Variants in ISX observed in about 807,000 individuals in gnomAD.
ISX encodes intestine specific homeobox.
A neutral mutation model predicts 16.9 loss-of-function variants in ISX; 15 were observed. The observed-to-expected ratio is 0.89, with a 90% CI of 0.59 to 1.36. ISX has a LOEUF of 1.36. Ranked by LOEUF, ISX falls within the 40% of genes most tolerant of loss-of-function variation. The probability of loss-of-function intolerance (pLI) is 0.00; values close to 1 mark genes in which losing one functional copy is unlikely to be tolerated. For synonymous variants in ISX, 125 were observed against 119.7 expected, an observed-to-expected ratio of 1.04 and a Z score of -0.29; for missense variants, 316 against 306.1, an observed-to-expected ratio of 1.03 and a Z score of -0.24.
intron 2 of ISX, among the ~76,000 whole-genome samples, chr22:35,076,385 G>A (rs1047330375): frequency 1.4e-4 from 21 of 152,230 alleles, no homozygotes; most frequent in African/African-American, 5.1e-4. Context: ...GGCCTTGAAC[G>A]CCATGCTAAG....
chr22:35,067,242 C>T lies in ISX; in HGVS notation c.155C>T (p.Pro52Leu). The change falls in exon 2 of 5, where the codon CCA becomes CTA. Residue 52 changes from proline to leucine, a missense_variant. Physicochemically the swap from Pro to Leu is moderately conservative, Grantham distance 98. Transcript: ENST00000404699. ...AGTGATATGGACAGACCAGAAGGGC[C>T]AGGTGAAGAGGGCCCCGGAGAAGCT... ...RRSDMDRPEG[P>L]GEEGPGEAAA... 6.2e-7 allele frequency: 1 copy of T among 1,607,688 alleles called. No individual in the cohort carries two copies. The highest frequency in any genetic ancestry group is 8.5e-7 in the Non-Finnish European group (1 of 1,177,096).
rs1000240302 is a variant in ISX, at chr22:35,086,906, T to C, written c.*1213T>C. Reference sequence around the variant, plus strand: ...AGCTGGGAAGCCTGGAATGACCTCTTGCACAAGCCTAAATTCCAGGAATCT... The same window carrying C: ...AGCTGGGAAGCCTGGAATGACCTCTCGCACAAGCCTAAATTCCAGGAATCT... On this transcript the variant is annotated 3_prime_UTR_variant, in exon 5 of 5. Coordinates refer to ENST00000404699, the MANE Select transcript of ISX (RefSeq NM_001303508.2). 2.6e-5 allele frequency: 4 copies of C among 152,214 alleles called. No homozygotes were observed. The highest frequency in any genetic ancestry group is 9.7e-5 in the African/African-American group (4 of 41,426). The allele number at this position is 152,214 out of a possible 1,614,324, so 9.4% of individuals were successfully genotyped here.
chr22:35,069,354 G>A (rs1460296069), intron 2 of ISX, among the ~76,000 whole-genome samples: 1 of 152,120 alleles, frequency 6.6e-6, no homozygotes, highest in Non-Finnish European at 1.5e-5. Context: ...AGAAGGGCAG[G>A]GTTTCAGGAA....
chr22:35,070,279 C>T (rs900959360), intron 2 of ISX, among the ~76,000 whole-genome samples: 4 of 152,194 alleles, frequency 2.6e-5, no homozygotes, highest in Admixed American at 6.5e-5. Flanking sequence ...AAGAGGACTT[C>T]TTTATCTGAA....
chr22:35,076,812 A>G (rs941627720), intron 2 of ISX, among the ~76,000 whole-genome samples: 1 of 152,186 alleles, frequency 6.6e-6, no homozygotes, highest in African/African-American at 2.4e-5. Flanking sequence ...AGGTTTAATT[A>G]AGTTCTGCTG....
intron 2 of ISX, among the ~76,000 whole-genome samples, chr22:35,081,046 G>A (rs1481911489): frequency 1.3e-5 from 2 of 152,210 alleles, no homozygotes; most frequent in African/African-American, 4.8e-5. Context: ...CAAAAAGGTA[G>A]ATGAATGAAT....
intron 2 of ISX, among the ~76,000 whole-genome samples, chr22:35,080,876 T>G (rs1005926272): frequency 4.6e-5 from 7 of 152,214 alleles, no homozygotes; most frequent in Non-Finnish European, 8.8e-5. Context: ...CACCTCCCTC[T>G]GTTAGCACAG....
chr22:35,070,699 T>C (rs1928827969), intron 2 of ISX, among the ~76,000 whole-genome samples: 1 of 152,202 alleles, frequency 6.6e-6, no homozygotes, highest in African/African-American at 2.4e-5. Context: ...CAGTGACTAC[T>C]CACCTGGAGG....
At chr22:35,080,616 T>C (rs1929102152) in intron 2 of ISX, among the ~76,000 whole-genome samples, 1 of 152,176 alleles carries the variant, frequency 6.6e-6, no homozygotes, top group South Asian at 2.1e-4. Context: ...GAGATGGTAG[T>C]TGATGGAGCT....
intron 2 of ISX, among the ~76,000 whole-genome samples, chr22:35,070,500 G>A (rs750430985): frequency 1.3e-5 from 2 of 152,242 alleles, no homozygotes; most frequent in Non-Finnish European, 1.5e-5. Context: ...GGCGAAAGGT[G>A]ATAGAAAATT....
At chr22:35,083,887 G>C (rs1929182107) in intron 3 of ISX, among the ~76,000 whole-genome samples, 1 of 152,252 alleles carries the variant, frequency 6.6e-6, no homozygotes, top group African/African-American at 2.4e-5. Flanking sequence ...GGAATGCAGG[G>C]AGCTGCCAAT....
chr22:35,081,419 T>C (rs1432212027), intron 2 of ISX, among the ~76,000 whole-genome samples: 3 of 152,222 alleles, frequency 2.0e-5, no homozygotes, highest in Admixed American at 2.0e-4. Context: ...TGGGATTGAA[T>C]GCATATTGTC....
intron 2 of ISX, among the ~76,000 whole-genome samples, chr22:35,079,937 C>G (rs1183440405): frequency 6.6e-6 from 1 of 152,202 alleles, no homozygotes; most frequent in Non-Finnish European, 1.5e-5. Context: ...CTGGCTCCAA[C>G]CAGGAGCTAC....
chr22:35,084,110 G>T (rs999571279), intron 3 of ISX, among the ~76,000 whole-genome samples: 1 of 152,194 alleles, frequency 6.6e-6, no homozygotes, highest in Non-Finnish European at 1.5e-5. Flanking sequence ...CCCCATTTTG[G>T]CTCTATTCAC....
intron 4 of ISX, 31 bp from the exon 5 acceptor site, chr22:35,085,423 A>T: frequency 6.2e-7 from 1 of 1,613,586 alleles, no homozygotes; most frequent in Non-Finnish European, 8.5e-7. Context: ...CTTAGGACTC[A>T]CTTCTCTCTC....
chr22:35,086,178 A>G lies in ISX; in HGVS notation c.*485A>G, dbSNP rs1929251696. On this transcript the variant is annotated 3_prime_UTR_variant, in exon 5 of 5. Coordinates refer to ENST00000404699, the MANE Select transcript of ISX (RefSeq NM_001303508.2). The stretch of plus-strand genomic sequence containing the variant: ...CGTGACACATGAGTACCTACTGAGG[A>G]CTCCATAAACAGAACGGGATACAGA... The G allele has an allele frequency of 5.1e-6, 1 of 197,612 alleles. No individual in the cohort carries two copies. Among genetic ancestry groups the G allele is most frequent in the African/African-American group, 2.3e-5 (1 of 42,800 alleles). The allele number at this position is 197,612 out of a possible 1,614,324, so 12.2% of individuals were successfully genotyped here.
intron 3 of ISX, 33 bp downstream of exon 3, chr22:35,082,702 C>T: frequency 6.2e-7 from 1 of 1,611,568 alleles, no homozygotes; most frequent in Admixed American, 1.7e-5. Flanking sequence ...CCCCAGCCTC[C>T]ATGCCCTTGG....
At chr22:35,083,372 G>A (rs761021757) in intron 3 of ISX, among the ~76,000 whole-genome samples, 4 of 152,180 alleles carry the variant, frequency 2.6e-5, no homozygotes, top group African/African-American at 4.8e-5. Flanking sequence ...TCTTGAATTC[G>A]TGGTCTTGGT....
chr22:35,069,247 A>T (rs955789548), intron 2 of ISX, among the ~76,000 whole-genome samples: 1 of 152,252 alleles, frequency 6.6e-6, no homozygotes, highest in Non-Finnish European at 1.5e-5. Context: ...AAAATGCTAA[A>T]CAAATAATAC....
Sources: allele counts gnomAD v4.1 joint callset (sites outside exome capture counted in the v4.1 genomes callset), GRCh38; gene constraint gnomAD v4.1.1; transcripts MANE v1.5; gene names NCBI Gene and HGNC (gene_info 2026-07-23, HGNC 2026-07-21).